BANK1: variants seen among roughly 807,000 people sequenced by gnomAD.
The protein encoded by BANK1 is B-cell scaffold protein with ankyrin repeats.
A neutral mutation model predicts 94.5 loss-of-function variants in BANK1; 95 were observed. The ratio of observed to expected loss-of-function variants is 1.00; its 90% CI spans 0.85 to 1.19. The LOEUF (loss-of-function observed/expected upper bound fraction) is 1.19. Ranked by LOEUF, BANK1 falls within the 50% of genes most tolerant of loss-of-function variation. BANK1 has a pLI of 0.00. For synonymous variants in BANK1, 334 were observed against 308.4 expected, an observed-to-expected ratio of 1.08 and a Z score of -0.87; for missense variants, 987 against 932.2, an observed-to-expected ratio of 1.06 and a Z score of -0.77.
rs75615697 is a variant in BANK1, at chr4:101,868,362, T to G, written c.764-2143T>G. On this transcript the variant is annotated intron_variant, in intron 4 of 16. Transcript: ENST00000322953. ...AAAGAAGATTTTAGAAAAAGAAAAA[T>G]TATCATGAATGAACAGAAGCATTAT... is the stretch of plus-strand genomic sequence containing the variant. Among the ~76,000 whole-genome samples, 993 of 151,866 alleles carry G rather than the reference T, an allele frequency of 6.5e-3. 11 individuals carry two copies. Among genetic ancestry groups the G allele is most frequent in the African/African-American group, 0.023 (955 of 41,480 alleles).
chr4:102,004,321 G>A (rs544171180), intron 7 of BANK1, among the ~76,000 whole-genome samples: 1 of 152,248 alleles, frequency 6.6e-6, no homozygotes, highest in African/African-American at 2.4e-5. Context: ...TCTCAGGCTA[G>A]ACTCTGAGGC....
chr4:101,798,180 C>T (rs750503623), intron 1 of BANK1, among the ~76,000 whole-genome samples: 9 of 152,038 alleles, frequency 5.9e-5, no homozygotes, highest in Non-Finnish European at 1.3e-4. Flanking sequence ...AAGTAAGTAG[C>T]TTTAGTAAAG....
intron 2 of BANK1, among the ~76,000 whole-genome samples, chr4:101,848,204 T>TG (rs556447332): frequency 5.4e-4 from 82 of 151,698 alleles, no homozygotes; most frequent in East Asian, 1.6e-3. Context: ...CTCATAGTTT[T>TG]GGGGGGGGTC....
At chr4:101,992,008 A>T (rs1333724607) in intron 7 of BANK1, among the ~76,000 whole-genome samples, 1 of 152,182 alleles carries the variant, frequency 6.6e-6, no homozygotes, top group Non-Finnish European at 1.5e-5. Flanking sequence ...GGTATGTAGG[A>T]CATAAGAAAT....
At chr4:102,045,818 T>C (rs367886105) in intron 11 of BANK1, among the ~76,000 whole-genome samples, 5 of 151,806 alleles carry the variant, frequency 3.3e-5, no homozygotes, top group Non-Finnish European at 5.9e-5. Context: ...GAAGAACATT[T>C]CATGCTCATG....
intron 7 of BANK1, among the ~76,000 whole-genome samples, chr4:101,960,031 C>A (rs1452477003): frequency 6.6e-6 from 1 of 152,130 alleles, no homozygotes; most frequent in Non-Finnish European, 1.5e-5. Flanking sequence ...GGGTGCACTC[C>A]TTCACTTTAT....
intron 2 of BANK1, among the ~76,000 whole-genome samples, chr4:101,851,248 GA>G (rs771954612): frequency 2.0e-5 from 3 of 152,170 alleles, no homozygotes; most frequent in Non-Finnish European, 4.4e-5. Flanking sequence ...AAGTTTGAAT[GA>G]TCTGGATAGA....
chr4:102,029,937 C>G (rs1253732483), intron 9 of BANK1, 23 bp from the exon 10 acceptor site: 1 of 1,574,218 alleles, frequency 6.4e-7, no homozygotes, highest in East Asian at 2.2e-5. Context: ...AGAGTAAACA[C>G]CATGTAAATA....
intron 7 of BANK1, among the ~76,000 whole-genome samples, chr4:101,980,498 AGT>A (rs1180196551): frequency 6.6e-6 from 1 of 151,626 alleles, no homozygotes; most frequent in Non-Finnish European, 1.5e-5. Context: ...GAGTCGTGAC[AGT>A]GTGTTTTAAT....
intron 7 of BANK1, among the ~76,000 whole-genome samples, chr4:101,922,278 C>T (rs935065691): frequency 6.6e-6 from 1 of 151,748 alleles, no homozygotes; most frequent in African/African-American, 2.4e-5. Context: ...CTTCCTGGCT[C>T]TTTATTTCTC....
At chr4:102,045,094 G>C (rs1727834313) in intron 11 of BANK1, among the ~76,000 whole-genome samples, 1 of 152,078 alleles carries the variant, frequency 6.6e-6, no homozygotes, top group Non-Finnish European at 1.5e-5. Flanking sequence ...TTTTATACAT[G>C]AAGTCCTTGC....
chr4:101,842,389 C>A (rs11947954), intron 2 of BANK1, among the ~76,000 whole-genome samples: 2 of 152,298 alleles, frequency 1.3e-5, no homozygotes, highest in East Asian at 3.9e-4. Flanking sequence ...GAGCCAACCA[C>A]CAATAAAAGA....
At chr4:101,899,265 T>C (rs1722193299) in intron 6 of BANK1, among the ~76,000 whole-genome samples, 1 of 152,264 alleles carries the variant, frequency 6.6e-6, no homozygotes, top group East Asian at 1.9e-4. Context: ...CACATCATCA[T>C]TAAGTAAACA....
intron 7 of BANK1, among the ~76,000 whole-genome samples, chr4:101,921,201 T>A (rs527714995): frequency 6.6e-6 from 1 of 152,160 alleles, no homozygotes; most frequent in South Asian, 2.1e-4. Context: ...TATATTTCTA[T>A]AATCCATAAA....
At chr4:101,837,329 A>G (rs1379516587) in intron 2 of BANK1, among the ~76,000 whole-genome samples, 1 of 152,212 alleles carries the variant, frequency 6.6e-6, no homozygotes, top group Non-Finnish European at 1.5e-5. Flanking sequence ...GGGATTGAAT[A>G]CTGACTTTTT....
At position 101,970,974 on chromosome 4, in the gene BANK1, C is replaced by T. The variant is rs530142895; in HGVS notation, c.1207-50540C>T. Among the ~76,000 whole-genome samples the T allele has an allele frequency of 5.9e-5, 9 of 152,116 alleles. No individual in the cohort carries two copies. The South Asian group carries it at 1.5e-3, about 25-fold the overall frequency. On this transcript the variant is annotated intron_variant, in intron 7 of 16. Coordinates refer to ENST00000322953, the MANE Select transcript of BANK1 (RefSeq NM_017935.5). ...TCACACTTGTGTCATAGCGTGCAGGCGTGTAATGAGGCTTCACAGATGTGC... is the reference window on the plus strand; with the variant it reads ...TCACACTTGTGTCATAGCGTGCAGGTGTGTAATGAGGCTTCACAGATGTGC...
chr4:101,908,972 G>T (rs188099861), intron 6 of BANK1, among the ~76,000 whole-genome samples: 2 of 152,284 alleles, frequency 1.3e-5, no homozygotes, highest in African/African-American at 4.8e-5. Context: ...CTGTAAACTG[G>T]TTTGACCATT....
chr4:101,845,740 A>G (rs192220398), intron 2 of BANK1, among the ~76,000 whole-genome samples: 6 of 152,344 alleles, frequency 3.9e-5, no homozygotes, highest in East Asian at 1.9e-4. Context: ...TGTCATTTCT[A>G]TGTAAATTAG....
chr4:101,948,872 T>C (rs1724034325), intron 7 of BANK1, among the ~76,000 whole-genome samples: 1 of 152,160 alleles, frequency 6.6e-6, no homozygotes. Context: ...GGAAAAATAG[T>C]AATATTTGCC....
Sources: allele counts gnomAD v4.1 joint callset (sites outside exome capture counted in the v4.1 genomes callset), GRCh38; gene constraint gnomAD v4.1.1; transcripts MANE v1.5; gene names NCBI Gene and HGNC (gene_info 2026-07-23, HGNC 2026-07-21).